Variants in RALB observed in about 807,000 individuals in gnomAD.
The protein encoded by RALB is ras-related protein Ral-B.
A neutral mutation model predicts 21.3 loss-of-function variants in RALB; 16 were observed. The observed-to-expected ratio is 0.75, with a 90% CI of 0.51 to 1.14. RALB has a LOEUF of 1.14. RALB is among the 50% of genes most tolerant of loss of function. The pLI is 0.00. For synonymous variants in RALB, 93 were observed against 96.1 expected (o/e 0.97, Z 0.19); for missense variants, 161 against 256.2 (o/e 0.63, Z 2.54).
chr2:120,269,238 G>A (rs1311589926), intron 1 of RALB, among the ~76,000 whole-genome samples: 2 of 152,138 alleles, frequency 1.3e-5, no homozygotes, highest in Non-Finnish European at 2.9e-5. Context: ...AGATGTATCC[G>A]GAGTTTGTTC....
intron 1 of RALB, among the ~76,000 whole-genome samples, chr2:120,273,080 T>G (rs996482218): frequency 3.9e-5 from 6 of 152,180 alleles, no homozygotes; most frequent in African/African-American, 1.2e-4. Context: ...CAAAACCAAT[T>G]CACTGAGACC....
chr2:120,268,509 C>T (rs1276595491), intron 1 of RALB, among the ~76,000 whole-genome samples: 1 of 152,192 alleles, frequency 6.6e-6, no homozygotes, highest in Non-Finnish European at 1.5e-5. Flanking sequence ...CGACCAGATG[C>T]CATGGCTTAC....
intron 1 of RALB, among the ~76,000 whole-genome samples, chr2:120,257,618 C>A (rs1046116980): frequency 6.6e-6 from 1 of 152,110 alleles, no homozygotes; most frequent in Non-Finnish European, 1.5e-5. Flanking sequence ...CTGAGAATAG[C>A]TTTTGTTCTT....
upstream of RALB, among the ~76,000 whole-genome samples, chr2:120,249,777 G>A (rs866721059): frequency 4.6e-5 from 7 of 152,162 alleles, no homozygotes; most frequent in East Asian, 1.9e-4. Flanking sequence ...AGTTTCTACC[G>A]CACTAGGAGT....
At chr2:120,240,897 C>T (rs1688883593) in intron 1 of RALB, among the ~76,000 whole-genome samples, 3 of 152,220 alleles carry the variant, frequency 2.0e-5, no homozygotes, top group Middle Eastern at 6.8e-3. Flanking sequence ...ACATACTCAG[C>T]CTTTGGGTAG....
chr2:120,291,555 A>G (rs1690304267), intron 4 of RALB, among the ~76,000 whole-genome samples: 2 of 152,174 alleles, frequency 1.3e-5, no homozygotes, highest in Non-Finnish European at 2.9e-5. Context: ...TGACCTGCCA[A>G]ACAGGAACCA....
chr2:120,265,523 C>A (rs567758648), intron 1 of RALB, among the ~76,000 whole-genome samples: 9 of 152,220 alleles, frequency 5.9e-5, no homozygotes, highest in Non-Finnish European at 1.3e-4. Flanking sequence ...CCTGCCTATG[C>A]ATTTTTCTCC....
At chr2:120,291,798 G>C (rs1462368848) in intron 4 of RALB, among the ~76,000 whole-genome samples, 2 of 152,138 alleles carry the variant, frequency 1.3e-5, no homozygotes, top group African/African-American at 2.4e-5. Flanking sequence ...GGGATGTTTG[G>C]GTTGGCCTGA....
chr2:120,269,590 A>G lies in RALB; in HGVS notation c.-47-9028A>G, dbSNP rs1212230771. Among the ~76,000 whole-genome samples, 3 of 152,182 alleles carry G rather than the reference A, an allele frequency of 2.0e-5. No homozygotes were observed. The South Asian group carries it at 6.2e-4, about 31-fold the overall frequency. Reference sequence around the variant, plus strand: ...TTTACAAACCTCTAGCCAGCCACAGAGCGCTGATTGGTGCGTTTTACAATC... The same window carrying G: ...TTTACAAACCTCTAGCCAGCCACAGGGCGCTGATTGGTGCGTTTTACAATC... On this transcript the variant is annotated intron_variant, in intron 1 of 4. Transcript: ENST00000272519.
At chr2:120,261,538 T>C (rs1689365969) in intron 1 of RALB, among the ~76,000 whole-genome samples, 1 of 152,088 alleles carries the variant, frequency 6.6e-6, no homozygotes, top group Non-Finnish European at 1.5e-5. Flanking sequence ...CTAGGAAGTG[T>C]GGGGGAATGC....
rs1248981721 is a variant in RALB at position 120,293,800 on chromosome 2, A to G, written c.*540A>G. ...ACCCTGTGGATCTGAAACAGCTAAA[A>G]AAATGAATTTGAATTGCGCCAGATA... On this transcript the variant is annotated 3_prime_UTR_variant, in exon 5 of 5. Transcript: ENST00000272519. The G allele has an allele frequency of 5.2e-6, 1 of 193,686 alleles. No homozygotes were observed. Among genetic ancestry groups the G allele is most frequent in the African/African-American group, 2.3e-5 (1 of 43,144 alleles). 12.0% of individuals were successfully genotyped at this position (193,686 alleles called of 1,614,324 possible).
rs966612730 is a variant in RALB at position 120,252,861 on chromosome 2, C to G, written c.-167C>G. Reference sequence around the variant, plus strand: ...CGCGCTCGGGGGGTGGGAAAGCGAGCCCGGCAGCTCAATGACAAATCGGTG... The same window carrying G: ...CGCGCTCGGGGGGTGGGAAAGCGAGGCCGGCAGCTCAATGACAAATCGGTG... On this transcript the variant is annotated 5_prime_UTR_variant, in exon 1 of 5. Coordinates refer to ENST00000272519, the MANE Select transcript of RALB (RefSeq NM_002881.3). The G allele has an allele frequency of 2.0e-6, 2 of 985,534 alleles. No individual in the cohort carries two copies. The highest frequency in any genetic ancestry group is 6.1e-5 in the Admixed American group (1 of 16,272). The allele number at this position is 985,534 out of a possible 1,614,324, so 61.0% of individuals were successfully genotyped here. A position where few individuals can be genotyped will look rare whatever the true frequency, so the allele number is the denominator to read the frequency against.
Position 120,278,690 on chromosome 2 carries a change from A to C in RALB, c.26A>C (p.Gln9Pro). ...ATGGCTGCCAACAAGAGTAAGGGCC[A>C]GAGCTCCTTGGCCCTCCACAAGGTG... MAANKSKG[Q>P]SSLALHKVIM... The change falls in exon 2 of 5, where the codon CAG becomes CCG. Residue 9 changes from glutamine to proline, a missense_variant. Transcript: ENST00000272519. 6.2e-7 allele frequency: 1 copy of C among 1,600,422 alleles called. No homozygotes were observed. Among genetic ancestry groups the C allele is most frequent in the Non-Finnish European group, 8.5e-7 (1 of 1,172,812 alleles).
At chr2:120,268,566 C>T (rs192337966) in intron 1 of RALB, among the ~76,000 whole-genome samples, 123 of 152,194 alleles carry the variant, frequency 8.1e-4, no homozygotes, top group Admixed American at 6.2e-3. Context: ...GGGCCCAGGA[C>T]GGGAGTGTGT....
At chr2:120,292,676 C>G (rs376186043) in intron 4 of RALB, among the ~76,000 whole-genome samples, 1 of 152,008 alleles carries the variant, frequency 6.6e-6, no homozygotes, top group African/African-American at 2.4e-5. Context: ...GCTGTTAGGC[C>G]GGGTGCAGTG....
chr2:120,277,697 A>G (rs960408315), intron 1 of RALB, among the ~76,000 whole-genome samples: 23 of 147,442 alleles, frequency 1.6e-4, no homozygotes, highest in African/African-American at 6.0e-4. Context: ...GAAAGTGTGT[A>G]TGTGGGTGTG....
At chr2:120,255,093 C>A (rs910519619) in intron 1 of RALB, among the ~76,000 whole-genome samples, 1 of 152,140 alleles carries the variant, frequency 6.6e-6, no homozygotes, top group Non-Finnish European at 1.5e-5. Context: ...AGAGACCTTT[C>A]TTGAAAGCTA....
chr2:120,257,852 T>C (rs1439552956), intron 1 of RALB, among the ~76,000 whole-genome samples: 2 of 152,238 alleles, frequency 1.3e-5, no homozygotes, highest in Non-Finnish European at 2.9e-5. Context: ...GCTGATGCTA[T>C]TGTTAGGAAT....
rs187289489 is a variant in RALB at position 120,263,288 on chromosome 2, C to T, written c.-48+10308C>T. ...GGGCTCAGTGGTCCTCCCACCTCAG[C>T]CTCCTGAGTAGCTGGGACTACAGAC... On this transcript the variant is annotated intron_variant, in intron 1 of 4. Coordinates refer to ENST00000272519, the MANE Select transcript of RALB (RefSeq NM_002881.3). 8.5e-5 allele frequency among the ~76,000 whole-genome samples: 13 copies of T among 152,088 alleles called. No homozygotes were observed. In the East Asian group the frequency reaches 2.5e-3, roughly 29 times the overall value.
Sources: gnomAD v4.1 joint callset for allele counts (sites outside exome capture counted in the v4.1 genomes callset) on GRCh38, gnomAD v4.1.1 for gene constraint, MANE v1.5 for transcripts, NCBI Gene and HGNC (gene_info 2026-07-23, HGNC 2026-07-21) for gene names.